UBR2: variants seen among roughly 807,000 people sequenced by gnomAD.
UBR2 encodes E3 ubiquitin-protein ligase UBR2.
A neutral mutation model predicts 247.9 loss-of-function variants in UBR2; 92 were observed. The observed-to-expected ratio is 0.37, with a 90% CI of 0.31 to 0.44. The LOEUF (loss-of-function observed/expected upper bound fraction) is 0.44. UBR2 is among the 20% of genes least tolerant of loss of function. UBR2 has a pLI of 1.00. For synonymous variants in UBR2, 672 were observed against 693.5 expected (o/e 0.97, Z 0.49); for missense variants, 1,613 against 2,112.6 (o/e 0.76, Z 4.64).
At chr6:42,641,011 G>A (rs1366808916) in intron 16 of UBR2, among the ~76,000 whole-genome samples, 2 of 152,024 alleles carry the variant, frequency 1.3e-5, no homozygotes, top group Non-Finnish European at 2.9e-5. Flanking sequence ...TTACAGGTGC[G>A]AGCTACCATG....
chr6:42,604,104 T>G (rs1793549948), intron 5 of UBR2, among the ~76,000 whole-genome samples: 2 of 152,276 alleles, frequency 1.3e-5, no homozygotes, highest in Non-Finnish European at 2.9e-5. Flanking sequence ...CTGGTTTGAA[T>G]ACATGCTCAA....
At chr6:42,587,120 A>G (rs563571678) in intron 2 of UBR2, among the ~76,000 whole-genome samples, 5 of 151,920 alleles carry the variant, frequency 3.3e-5, no homozygotes, top group Non-Finnish European at 5.9e-5. Flanking sequence ...ATGCCCGGCC[A>G]AAATGTTATA....
intron 7 of UBR2, among the ~76,000 whole-genome samples, chr6:42,609,673 C>T: frequency 6.6e-6 from 1 of 151,626 alleles, no homozygotes; most frequent in Non-Finnish European, 1.5e-5. Context: ...TTGCTTAAAC[C>T]CAAGAGTTTG....
At chr6:42,581,266 T>C (rs1407721168) in intron 2 of UBR2, among the ~76,000 whole-genome samples, 1 of 151,818 alleles carries the variant, frequency 6.6e-6, no homozygotes, top group East Asian at 1.9e-4. Context: ...CTCAGCTCAC[T>C]GCAACCTCTG....
chr6:42,621,135 T>C (rs1794974444), intron 11 of UBR2, among the ~76,000 whole-genome samples: 2 of 152,224 alleles, frequency 1.3e-5, no homozygotes, highest in Admixed American at 1.3e-4. Context: ...ACAAAGATAT[T>C]CTCCCACGTT....
At chr6:42,614,140 G>A (rs1336607914) in intron 8 of UBR2, among the ~76,000 whole-genome samples, 26 of 133,350 alleles carry the variant, frequency 1.9e-4, no homozygotes, top group Admixed American at 1.4e-3. Context: ...TCACATCACC[G>A]CACTGCAGCC....
intron 25 of UBR2, among the ~76,000 whole-genome samples, chr6:42,653,335 G>A (rs927540189): frequency 1.3e-5 from 2 of 151,970 alleles, no homozygotes; most frequent in Non-Finnish European, 1.5e-5. Context: ...CTCCCCCCTC[G>A]GCCTCCCCAA....
At chr6:42,574,043 CT>C in intron 2 of UBR2, 50 bp downstream of exon 2, 4 of 1,456,350 alleles carry the variant, frequency 2.7e-6, no homozygotes, top group South Asian at 1.5e-5. Flanking sequence ...TATTTGACCT[CT>C]TTTTTTCCCT....
chr6:42,629,327 A>G (rs7741465), intron 11 of UBR2, among the ~76,000 whole-genome samples: 66,250 of 151,424 alleles, frequency 0.44, 14,497 homozygotes, highest in African/African-American at 0.48. Context: ...GATAGTGGTA[A>G]TGCTTTTTAA....
At chr6:42,638,454 A>G (rs889592396) in intron 15 of UBR2, among the ~76,000 whole-genome samples, 2 of 152,184 alleles carry the variant, frequency 1.3e-5, no homozygotes, top group African/African-American at 4.8e-5. Flanking sequence ...ATTTAAGATA[A>G]TTACTTACTC....
chr6:42,646,791 ATTTATATATATATG>A (rs1294817485), intron 21 of UBR2, among the ~76,000 whole-genome samples: 1 of 150,674 alleles, frequency 6.6e-6, no homozygotes, highest in East Asian at 1.9e-4. Context: ...AAAAACAATA[ATTTATATATATATG>A]TTTATATATA....
At chr6:42,686,545 G>A (rs558524224) in intron 44 of UBR2, among the ~76,000 whole-genome samples, 17 of 152,066 alleles carry the variant, frequency 1.1e-4, no homozygotes, top group African/African-American at 3.9e-4. Flanking sequence ...TTTTCTATTC[G>A]ACAAAACCGC....
At chr6:42,572,253 A>G (rs1411540009) in intron 1 of UBR2, among the ~76,000 whole-genome samples, 1 of 152,122 alleles carries the variant, frequency 6.6e-6, no homozygotes, top group African/African-American at 2.4e-5. Flanking sequence ...CAGTCCCTTA[A>G]CTTATGAACA....
At chr6:42,645,650 G>C in intron 21 of UBR2, 60 bp downstream of exon 21, 1 of 1,548,898 alleles carries the variant, frequency 6.5e-7, no homozygotes. Context: ...TATCAGTCTA[G>C]TATCTATAGA....
At chr6:42,618,172 C>T (rs1415846113) in intron 11 of UBR2, among the ~76,000 whole-genome samples, 3 of 152,158 alleles carry the variant, frequency 2.0e-5, no homozygotes, top group Admixed American at 2.0e-4. Context: ...ATCAGAATCA[C>T]AATGAAAATT....
chr6:42,644,849 T>G (rs1796665837), intron 20 of UBR2, among the ~76,000 whole-genome samples: 1 of 152,132 alleles, frequency 6.6e-6, no homozygotes, highest in South Asian at 2.1e-4. Flanking sequence ...ATATTTAAGA[T>G]CTATTTACTC....
intron 36 of UBR2, among the ~76,000 whole-genome samples, chr6:42,673,116 ATT>A (rs1007460642): frequency 3.3e-5 from 5 of 152,146 alleles, no homozygotes; most frequent in African/African-American, 1.2e-4. Context: ...CCTCATAACA[ATT>A]TTTAATAGCT....
At chr6:42,591,638 T>C (rs896987787) in intron 2 of UBR2, among the ~76,000 whole-genome samples, 4 of 152,208 alleles carry the variant, frequency 2.6e-5, no homozygotes, top group African/African-American at 9.6e-5. Context: ...TTAATTTCCC[T>C]TTTTAGTTAA....
intron 33 of UBR2, 85 bp from the exon 34 acceptor site, chr6:42,666,081 GT>G: frequency 1.7e-6 from 2 of 1,198,450 alleles, no homozygotes; most frequent in South Asian, 1.6e-5. Flanking sequence ...TTTTCCTTTT[GT>G]TTTTGATTTC....
Sources: allele counts gnomAD v4.1 joint callset (sites outside exome capture counted in the v4.1 genomes callset), GRCh38; gene constraint gnomAD v4.1.1; transcripts MANE v1.5; gene names NCBI Gene and HGNC (gene_info 2026-07-23, HGNC 2026-07-21).